CSMD1: variants seen among roughly 807,000 people sequenced by gnomAD.
The protein encoded by CSMD1 is CUB and Sushi multiple domains 1.
CSMD1 carries 213 observed loss-of-function variants against 417.5 expected under a neutral mutation model. The observed-to-expected ratio is 0.51, with a 90% CI of 0.46 to 0.57. The LOEUF is 0.57. Among genes scored for constraint, CSMD1 ranks in the 20% least tolerant of loss-of-function variants. CSMD1 has a pLI of 0.00. For missense variants in CSMD1, 6,923 were observed against 4,529.7 expected, an observed-to-expected ratio of 1.53 and a Z score of -15.17; for synonymous variants, 2,862 against 1,736.8, an observed-to-expected ratio of 1.65 and a Z score of -16.11.
chr8:4,632,843 C>T lies in CSMD1; in HGVS notation c.302+4499G>A, dbSNP rs565341742. Among the ~76,000 whole-genome samples, 3 of 152,194 alleles carry T rather than the reference C, an allele frequency of 2.0e-5. No homozygotes were observed. The East Asian group carries it at 5.8e-4, about 29-fold the overall frequency. ...TTTGAAAGACGCATACTATTCAGACCGGTAGAGGGAGAGGCCGGGAATAAG... is the reference window on the plus strand; with the variant it reads ...TTTGAAAGACGCATACTATTCAGACTGGTAGAGGGAGAGGCCGGGAATAAG... On this transcript the variant is annotated intron_variant, in intron 2 of 69. Transcript: ENST00000635120.
rs756898047 is a variant in CSMD1 at position 4,107,975 on chromosome 8, G to C, written c.416-75876C>G. Among the ~76,000 whole-genome samples the C allele has an allele frequency of 1.4e-4, 21 of 152,062 alleles. No individual in the cohort carries two copies. The East Asian group carries it at 3.7e-3, about 27-fold the overall frequency. On this transcript the variant is annotated intron_variant, in intron 3 of 69. Coordinates refer to ENST00000635120, the MANE Select transcript of CSMD1 (RefSeq NM_033225.6). ...AACTGCAGTAAAAGTAGCATTGACC[G>C]GGGAGCTTAGAGAAGTAGAAAGTAA... is the stretch of plus-strand genomic sequence containing the variant.
In CSMD1 at chr8:3,913,548, T is replaced by G. The variant is rs78505179; in HGVS notation, c.818+84355A>C. Among the ~76,000 whole-genome samples, 1,401 of 152,222 alleles carry G rather than the reference T, an allele frequency of 9.2e-3. 18 individuals are homozygous for G. Among genetic ancestry groups the G allele is most frequent in the African/African-American group, 0.031 (1,307 of 41,538 alleles). ...TGGAGCGAGCCCTAGGTGCAAGTAA[T>G]AATAAGGCAACAAAGAATACGGTCA... On this transcript the variant is annotated intron_variant, in intron 5 of 69. Coordinates refer to ENST00000635120, the MANE Select transcript of CSMD1 (RefSeq NM_033225.6).
intron 5 of CSMD1, among the ~76,000 whole-genome samples, chr8:3,817,423 G>T (rs1333755866): frequency 2.0e-5 from 3 of 151,546 alleles, no homozygotes; most frequent in African/African-American, 7.3e-5. Flanking sequence ...TGGGACTATA[G>T]GCGTGCGCCA....
chr8:4,566,961 G>C (rs1407214517), intron 2 of CSMD1, among the ~76,000 whole-genome samples: 2 of 151,842 alleles, frequency 1.3e-5, no homozygotes, highest in Non-Finnish European at 2.9e-5. Flanking sequence ...CGAGACTTTA[G>C]CAGTCTCTGG....
chr8:4,389,638 G>C (rs915270844), intron 3 of CSMD1, among the ~76,000 whole-genome samples: 4 of 152,086 alleles, frequency 2.6e-5, no homozygotes, highest in African/African-American at 9.7e-5. Context: ...ACAAATCGTA[G>C]TATCCACTTC....
intron 3 of CSMD1, among the ~76,000 whole-genome samples, chr8:4,139,425 A>AGG (rs1803640465): frequency 2.0e-5 from 3 of 151,540 alleles, no homozygotes; most frequent in African/African-American, 7.3e-5. Flanking sequence ...ACTGGAGGTA[A>AGG]AGAACGAAGG....
chr8:4,464,433 C>A lies in CSMD1; in HGVS notation c.303-44368G>T, dbSNP rs146796443. Among the ~76,000 whole-genome samples the A allele has an allele frequency of 7.5e-3, 1,147 of 152,318 alleles. 15 individuals are homozygous for A. Among genetic ancestry groups the A allele is most frequent in the Middle Eastern group, 0.054 (16 of 294 alleles). On this transcript the variant is annotated intron_variant, in intron 2 of 69. Coordinates refer to ENST00000635120, the MANE Select transcript of CSMD1 (RefSeq NM_033225.6). ...AGCTTAGCCTTGCCTACCTTAAACACACTCAGAACACGCACATTAGCCTAC... is the reference window on the plus strand; with the variant it reads ...AGCTTAGCCTTGCCTACCTTAAACAAACTCAGAACACGCACATTAGCCTAC...
chr8:3,275,624 G>T (rs188957407), intron 26 of CSMD1, among the ~76,000 whole-genome samples: 1 of 151,978 alleles, frequency 6.6e-6, no homozygotes, highest in Admixed American at 6.6e-5. Context: ...GGCTTTGCTC[G>T]TTTCTTTTTA....
chr8:4,808,238 T>G lies in CSMD1; in HGVS notation c.86-170680A>C, dbSNP rs140775610. On this transcript the variant is annotated intron_variant, in intron 1 of 69. Transcript: ENST00000635120. The stretch of plus-strand genomic sequence containing the variant: ...CAGCAGCGGTATAGGGTTGCTGCAT[T>G]AGGAACGATGATCAGAGCATTTACT... Among the ~76,000 whole-genome samples the G allele has an allele frequency of 2.0e-3, 308 of 152,292 alleles. 2 individuals are homozygous for G. The highest frequency in any genetic ancestry group is 7.1e-3 in the African/African-American group (295 of 41,562).
intron 3 of CSMD1, among the ~76,000 whole-genome samples, chr8:4,233,167 G>A (rs566375356): frequency 6.6e-6 from 1 of 152,296 alleles, no homozygotes; most frequent in South Asian, 2.1e-4. Context: ...CATTTTAATA[G>A]AAGCAACAAC....
At chr8:3,597,604 T>C (rs2117058812) in intron 8 of CSMD1, among the ~76,000 whole-genome samples, 1 of 152,270 alleles carries the variant, frequency 6.6e-6, no homozygotes, top group South Asian at 2.1e-4. Context: ...CTGAACACAG[T>C]TCTTAAAATG....
chr8:4,133,514 C>G (rs1803235975), intron 3 of CSMD1, among the ~76,000 whole-genome samples: 2 of 152,184 alleles, frequency 1.3e-5, no homozygotes, highest in Admixed American at 1.3e-4. Flanking sequence ...AATTATTCCT[C>G]ATATTCTACT....
intron 10 of CSMD1, among the ~76,000 whole-genome samples, chr8:3,571,925 A>C (rs1799960701): frequency 6.6e-6 from 1 of 152,194 alleles, no homozygotes; most frequent in African/African-American, 2.4e-5. Context: ...TACAGGAAGA[A>C]GTGAAGTTAC....
chr8:4,427,945 T>C (rs1187907342), intron 2 of CSMD1, among the ~76,000 whole-genome samples: 1 of 152,192 alleles, frequency 6.6e-6, no homozygotes, highest in Non-Finnish European at 1.5e-5. Context: ...TAAAGTTATG[T>C]TTTCAAATGT....
chr8:4,434,654 A>G (rs1798051156), intron 2 of CSMD1, among the ~76,000 whole-genome samples: 2 of 152,172 alleles, frequency 1.3e-5, no homozygotes, highest in African/African-American at 4.8e-5. Context: ...AAGACATATC[A>G]CAAACCCGAT....
chr8:3,845,754 C>A (rs1803462844), intron 5 of CSMD1, among the ~76,000 whole-genome samples: 1 of 152,122 alleles, frequency 6.6e-6, no homozygotes, highest in Non-Finnish European at 1.5e-5. Flanking sequence ...TAACACATAG[C>A]TCAGAACATA....
intron 10 of CSMD1, among the ~76,000 whole-genome samples, chr8:3,550,917 T>C (rs951951794): frequency 3.3e-5 from 5 of 152,220 alleles, no homozygotes; most frequent in African/African-American, 9.6e-5. Flanking sequence ...TATGGCATCA[T>C]GCAAATGTGT....
chr8:4,283,337 G>A lies in CSMD1; in HGVS notation c.415+136616C>T, dbSNP rs34021850. Among the ~76,000 whole-genome samples the A allele has an allele frequency of 1.2e-3, 180 of 152,204 alleles. 2 individuals are homozygous for A. Among genetic ancestry groups the A allele is most frequent in the South Asian group, 3.5e-3 (17 of 4,820 alleles). On this transcript the variant is annotated intron_variant, in intron 3 of 69. Transcript: ENST00000635120. ...GTAGCTTCAGTTCTCCTTCACTGCT[G>A]CCCTGTATAAATGCGAACATCTTTG...
chr8:4,764,661 C>A (rs1812325310), intron 1 of CSMD1, among the ~76,000 whole-genome samples: 1 of 147,210 alleles, frequency 6.8e-6, no homozygotes, highest in Non-Finnish European at 1.5e-5. Flanking sequence ...TCTTAACCCA[C>A]TTTTCAAAAC....
Sources: gnomAD v4.1 joint callset for allele counts (sites outside exome capture counted in the v4.1 genomes callset) on GRCh38, gnomAD v4.1.1 for gene constraint, MANE v1.5 for transcripts, NCBI Gene and HGNC (gene_info 2026-07-23, HGNC 2026-07-21) for gene names.